HMCN1: variants seen among roughly 807,000 people sequenced by gnomAD.
The protein encoded by HMCN1 is hemicentin 1.
HMCN1 carries 321 observed loss-of-function variants against 625.9 expected under a neutral mutation model. The observed-to-expected ratio is 0.51, with a 90% CI of 0.47 to 0.56. The LOEUF is 0.56. HMCN1 is among the 20% of genes least tolerant of loss of function. The pLI, the probability that HMCN1 is intolerant of heterozygous loss-of-function variation, is 0.00. For missense variants in HMCN1, 6,588 were observed against 6,887.3 expected (o/e 0.96, Z 1.54); for synonymous variants, 2,425 against 2,417.6 (o/e 1.00, Z -0.09).
intron 32 of HMCN1, among the ~76,000 whole-genome samples, chr1:186,016,751 A>G (rs1654394695): frequency 6.6e-6 from 1 of 152,078 alleles, no homozygotes. Context: ...TACTAGATGG[A>G]GGAATAGGTA....
chr1:186,180,062 C>T (rs546521330), intron 104 of HMCN1, among the ~76,000 whole-genome samples: 22 of 152,166 alleles, frequency 1.4e-4, no homozygotes, highest in Non-Finnish European at 2.6e-4. Flanking sequence ...TCTTCTACCA[C>T]CAAACATTAA....
intron 2 of HMCN1, among the ~76,000 whole-genome samples, chr1:185,859,128 T>G (rs1337095240): frequency 1.4e-5 from 2 of 138,390 alleles, no homozygotes; most frequent in South Asian, 2.4e-4. Flanking sequence ...TTTATAAACT[T>G]TGTGTGTGTG....
intron 11 of HMCN1, among the ~76,000 whole-genome samples, chr1:185,939,480 G>T (rs756750812): frequency 6.6e-6 from 1 of 152,218 alleles, no homozygotes. Flanking sequence ...GTACATGATT[G>T]TTTGGGGGCA....
intron 30 of HMCN1, among the ~76,000 whole-genome samples, chr1:186,014,397 A>C (rs888193816): frequency 6.6e-6 from 1 of 151,922 alleles, no homozygotes; most frequent in African/African-American, 2.4e-5. Flanking sequence ...ATATGTATAC[A>C]TGTGCCATGC....
At chr1:185,864,683 G>T in intron 3 of HMCN1, 55 bp downstream of exon 3, 1 of 1,533,200 alleles carries the variant, frequency 6.5e-7, no homozygotes. Context: ...GTAAGAGATT[G>T]CCTGTCCTCT....
At position 185,807,833 on chromosome 1, in the gene HMCN1, C is replaced by T. The variant is rs960397833; in HGVS notation, c.269-38193C>T. Among the ~76,000 whole-genome samples the T allele has an allele frequency of 4.6e-5, 7 of 152,014 alleles. 1 individual carries two copies. Among genetic ancestry groups the T allele is most frequent in the African/African-American group, 1.7e-4 (7 of 41,382 alleles). On this transcript the variant is annotated intron_variant, in intron 1 of 106. Coordinates refer to ENST00000271588, the MANE Select transcript of HMCN1 (RefSeq NM_031935.3). ...AGAGATAACAAATTAAGTGGTGTAA[C>T]TTTACTAATTTTCTAAAAAGTAAAC...
intron 68 of HMCN1, among the ~76,000 whole-genome samples, chr1:186,097,863 A>G (rs1277453378): frequency 6.6e-6 from 1 of 152,296 alleles, no homozygotes; most frequent in African/African-American, 2.4e-5. Context: ...ACATAGACCA[A>G]TTGAACAGAA....
intron 14 of HMCN1, 135 bp downstream of exon 14, chr1:185,966,050 AAT>A (rs1650388637): frequency 1.5e-6 from 1 of 681,016 alleles, no homozygotes; most frequent in Admixed American, 2.2e-5. Context: ...CACTGGAGAC[AAT>A]AGTTCAAAAT....
At chr1:186,066,283 A>C (rs548416972) in intron 49 of HMCN1, among the ~76,000 whole-genome samples, 1 of 151,366 alleles carries the variant, frequency 6.6e-6, no homozygotes, top group East Asian at 2.0e-4. Flanking sequence ...ATATATGTTC[A>C]TTCATTCATT....
At chr1:185,805,684 T>C (rs544142896) in intron 1 of HMCN1, among the ~76,000 whole-genome samples, 1 of 152,310 alleles carries the variant, frequency 6.6e-6, no homozygotes, top group South Asian at 2.1e-4. Flanking sequence ...CTGTAGTGTA[T>C]GTGCTATTTC....
intron 2 of HMCN1, among the ~76,000 whole-genome samples, chr1:185,856,348 G>C (rs1662462294): frequency 6.6e-6 from 1 of 152,046 alleles, no homozygotes. Context: ...AAATTAGCCA[G>C]GCATGGTGGC....
intron 56 of HMCN1, among the ~76,000 whole-genome samples, chr1:186,082,463 A>C (rs1343457943): frequency 6.6e-6 from 1 of 152,170 alleles, no homozygotes; most frequent in African/African-American, 2.4e-5. Flanking sequence ...AAGAGTGAGC[A>C]CGAGTGAACA....
intron 4 of HMCN1, among the ~76,000 whole-genome samples, chr1:185,893,815 A>G (rs1665302571): frequency 6.6e-6 from 1 of 152,220 alleles, no homozygotes; most frequent in Non-Finnish European, 1.5e-5. Context: ...AGAAAAGTGC[A>G]CATAAGCATA....
chr1:186,184,240 A>T (rs983646241), intron 105 of HMCN1, among the ~76,000 whole-genome samples: 3 of 152,190 alleles, frequency 2.0e-5, no homozygotes, highest in African/African-American at 7.2e-5. Context: ...GAAAACAATT[A>T]TGCCTTTTTC....
intron 11 of HMCN1, among the ~76,000 whole-genome samples, chr1:185,946,755 A>G (rs1668365587): frequency 6.6e-6 from 1 of 152,222 alleles, no homozygotes; most frequent in Admixed American, 6.5e-5. Context: ...TTAAGGAAAG[A>G]AAAAATAGTA....
Position 186,144,676 on chromosome 1 carries a change from G to A in HMCN1, c.14239G>A (p.Asp4747Asn), listed in dbSNP as rs1295900622. ...RKCEGSDVQS[D>N]FCNSDPCPTH... ...ATGCGAAGGGAGTGATGTCCAGAGT[G>A]ATTTTTGCAACAGTGACCCTTGCCC... is the stretch of plus-strand genomic sequence containing the variant. Residue 4747 changes from aspartate (D) to asparagine (N), a missense_variant, in exon 91 of 107, where the codon GAT becomes AAT. Transcript: ENST00000271588. 1.2e-6 allele frequency: 2 copies of A among 1,614,124 alleles called. No individual in the cohort carries two copies.
Position 186,187,976 on chromosome 1 carries a change from G to A in HMCN1, c.16508G>A (p.Cys5503Tyr). The A allele has an allele frequency of 6.2e-7, 1 of 1,613,838 alleles. No individual in the cohort carries two copies. The highest frequency in any genetic ancestry group is 8.5e-7 in the Non-Finnish European group (1 of 1,179,802). The change falls in exon 106 of 107, where the codon TGT (cysteine) becomes TAT (tyrosine). Residue 5503 changes from cysteine (C) to tyrosine (Y), a missense_variant. Physicochemically the swap from Cys to Tyr is radical, Grantham distance 194. Around this residue, in one of 3 missense-constraint regions of HMCN1, gnomAD observed 1,954 missense variants for 2,013.1 expected, o/e 0.97. Coordinates refer to ENST00000271588, the MANE Select transcript of HMCN1 (RefSeq NM_031935.3). Reference protein sequence around the residue: ...RGSYQCIDTPCPPNYQRDPVS... With the variant: ...RGSYQCIDTPYPPNYQRDPVS... Reference sequence around the variant, plus strand: ...AGCTACCAGTGCATCGATACACCCTGTCCACCCAACTACCAACGGGATCCT... The same window carrying A: ...AGCTACCAGTGCATCGATACACCCTATCCACCCAACTACCAACGGGATCCT...
rs1661271432 is a variant in HMCN1, at chr1:186,119,139, A to G, written c.11849-52A>G. 3.8e-6 allele frequency: 5 copies of G among 1,321,070 alleles called. No individual in the cohort carries two copies. In the Admixed American group the frequency reaches 8.4e-5, roughly 22 times the overall value. The allele number at this position is 1,321,070 out of a possible 1,614,324, so 81.8% of individuals were successfully genotyped here. A position where few individuals can be genotyped will look rare whatever the true frequency, so the allele number is the denominator to read the frequency against. ...ACAAAAGAGAGTCAAATTTTATTGA[A>G]CTAAAAAAACTGAGATGCAGTATAT... On this transcript the variant is annotated intron_variant, in intron 77 of 106. Transcript: ENST00000271588.
At chr1:185,761,795 T>G (rs1214960989) in intron 1 of HMCN1, among the ~76,000 whole-genome samples, 1 of 152,112 alleles carries the variant, frequency 6.6e-6, no homozygotes, top group African/African-American at 2.4e-5. Context: ...AAACAGAATT[T>G]TGGAACAATT....
Sources: allele counts gnomAD v4.1 joint callset (sites outside exome capture counted in the v4.1 genomes callset), GRCh38; gene constraint gnomAD v4.1.1; regional missense constraint gnomAD v4.1.1; transcripts MANE v1.5; gene names NCBI Gene and HGNC (gene_info 2026-07-23, HGNC 2026-07-21).